SECTM1: variants seen among roughly 807,000 people sequenced by gnomAD.
SECTM1 encodes secreted and transmembrane protein 1.
SECTM1 carries 10 observed loss-of-function variants against 18.1 expected under a neutral mutation model. The observed-to-expected ratio is 0.55, with a 90% CI of 0.34 to 0.94. The LOEUF is 0.94. SECTM1 is among the 40% of genes least tolerant of loss of function. The pLI is 0.02. For synonymous variants in SECTM1, 137 were observed against 139.2 expected, an observed-to-expected ratio of 0.98 and a Z score of 0.11; for missense variants, 297 against 322.6, an observed-to-expected ratio of 0.92 and a Z score of 0.61.
In SECTM1 at chr17:82,326,976, C is replaced by CACCGCCCTCCACCCACT. The variant is rs1271188060; in HGVS notation, c.94+170_94+171insAGTGGGTGGAGGGCGGT. Among the ~76,000 whole-genome samples the CACCGCCCTCCACCCACT allele has an allele frequency of 6.6e-6, 1 of 151,454 alleles. No individual in the cohort carries two copies. The highest frequency in any genetic ancestry group is 2.4e-5 in the African/African-American group (1 of 41,130). On this transcript the variant is annotated intron_variant, in intron 2 of 4. Transcript: ENST00000269389. This position sits in a 1 kb window ranked among gnomAD's most constrained non-coding sequence, Gnocchi z 4.3. ...CCACGGCGGGACACGGTCCACTCAC[C>CACCGCCCTCCACCCACT]GCCACCTGAGGCAGCCCAGCTCCAC...
In SECTM1 at chr17:82,321,630, C is replaced by A; in HGVS notation, c.*531G>T. The A allele has an allele frequency of 6.5e-6, 1 of 154,284 alleles. No homozygotes were observed. The highest frequency in any genetic ancestry group is 1.7e-4 in the South Asian group (1 of 5,732). 9.6% of individuals were successfully genotyped at this position (154,284 alleles called of 1,614,324 possible). ...CTGCGCTGCCCCCTGGCGGTGGGGC[C>A]AGGAGCCATCCCAGCCTCTAAGCCC... On this transcript the variant is annotated 3_prime_UTR_variant, in exon 5 of 5. Transcript: ENST00000269389.
intron 3 of SECTM1, chr17:82,323,462 T>C (rs2052115825): frequency 1.4e-5 from 2 of 144,922 alleles, no homozygotes; most frequent in East Asian, 4.2e-4. Flanking sequence ...CCAATTTGGG[T>C]GACCCGGGTA....
At chr17:82,324,510 TG>T in intron 3 of SECTM1, 71 bp downstream of exon 3, 11 of 173,818 alleles carry the variant, frequency 6.3e-5, no homozygotes, top group South Asian at 2.4e-4. Context: ...GCCCTCCCCC[TG>T]CCCAGGCCCC....
chr17:82,331,286 G>A (rs2052189435), intron 1 of SECTM1, among the ~76,000 whole-genome samples: 1 of 152,216 alleles, frequency 6.6e-6, no homozygotes, highest in Non-Finnish European at 1.5e-5. Context: ...GGGGAGACCG[G>A]GAGGAGAGCG....
rs977122131 is a variant in SECTM1, at chr17:82,330,080, T to C, written c.-52-2788A>G. ...TGCAGACCCCTGCATGGAGGTGAGG[T>C]TCACACAAGGAGACCCCAGGGGGCC... On this transcript the variant is annotated intron_variant, in intron 1 of 4. Coordinates refer to ENST00000269389, the MANE Select transcript of SECTM1 (RefSeq NM_003004.3). The surrounding 1 kb of genome is among the most constrained non-coding windows in gnomAD (Gnocchi z 6.1). 6.6e-5 allele frequency among the ~76,000 whole-genome samples: 10 copies of C among 151,832 alleles called. No homozygotes were observed. The highest frequency in any genetic ancestry group is 2.2e-4 in the African/African-American group (9 of 41,338).
At chr17:82,324,128 G>A (rs555505474) in intron 3 of SECTM1, among the ~76,000 whole-genome samples, 2 of 152,136 alleles carry the variant, frequency 1.3e-5, no homozygotes, top group African/African-American at 4.8e-5. Flanking sequence ...GGGTCTGGAG[G>A]GCCTCTCAGA....
intron 4 of SECTM1, 31 bp downstream of exon 4, chr17:82,322,847 C>T: frequency 6.2e-7 from 1 of 1,611,462 alleles, no homozygotes; most frequent in Non-Finnish European, 8.5e-7. Flanking sequence ...GACTCCCCAC[C>T]CCGCACAAAC....
rs748359308 is a variant in SECTM1 at position 82,325,591 on chromosome 17, G to A, written c.95-701C>T. Among the ~76,000 whole-genome samples, 17 of 152,204 alleles carry A rather than the reference G, an allele frequency of 1.1e-4. No homozygotes were observed. Among genetic ancestry groups the A allele is most frequent in the African/African-American group, 2.2e-4 (9 of 41,436 alleles). On this transcript the variant is annotated intron_variant, in intron 2 of 4. Coordinates refer to ENST00000269389, the MANE Select transcript of SECTM1 (RefSeq NM_003004.3). The surrounding 1 kb of genome is among the most constrained non-coding windows in gnomAD (Gnocchi z 7.6). ...GGAGGTCAAGTCCTTGACACAAGCC[G>A]GCGTGTCAGTCTCTCTCTCCCGCCT...
chr17:82,331,911 A>T (rs2052194575), intron 1 of SECTM1, among the ~76,000 whole-genome samples: 1 of 152,066 alleles, frequency 6.6e-6, no homozygotes, highest in Non-Finnish European at 1.5e-5. Flanking sequence ...AGGCTGAGGC[A>T]GGTGGATCAC....
chr17:82,329,395 C>G lies in SECTM1; in HGVS notation c.-52-2103G>C, dbSNP rs1353267748. Reference sequence around the variant, plus strand: ...GATGGTCCCACATTGGCGCAGGCTGCGGGTGCCGTGTCCTGAGGTCTGGGT... The same window carrying G: ...GATGGTCCCACATTGGCGCAGGCTGGGGGTGCCGTGTCCTGAGGTCTGGGT... On this transcript the variant is annotated intron_variant, in intron 1 of 4. Transcript: ENST00000269389. The surrounding 1 kb of genome is among the most constrained non-coding windows in gnomAD (Gnocchi z 7.6). 1 of 152,412 alleles carries G rather than the reference C, an allele frequency of 6.6e-6. No homozygotes were observed. Among genetic ancestry groups the G allele is most frequent in the South Asian group, 2.1e-4 (1 of 4,832 alleles). The allele number at this position is 152,412 out of a possible 1,614,324, so 9.4% of individuals were successfully genotyped here.
intron 1 of SECTM1, among the ~76,000 whole-genome samples, chr17:82,332,246 G>A (rs561792535): frequency 4.6e-5 from 7 of 152,224 alleles, no homozygotes; most frequent in Non-Finnish European, 7.3e-5. Flanking sequence ...CTGAGGCGCC[G>A]GCACCAGACA....
At position 82,327,349 on chromosome 17, in the gene SECTM1, G is replaced by A. The variant is rs556263809; in HGVS notation, c.-52-57C>T. On this transcript the variant is annotated intron_variant, in intron 1 of 4. Coordinates refer to ENST00000269389, the MANE Select transcript of SECTM1 (RefSeq NM_003004.3). ...CCCTGCAGCTGCTGAAGGGGACAGC[G>A]GGAGCGGCTGTCACCTGGCGGGGGC... 126 of 1,004,722 alleles carry A rather than the reference G, an allele frequency of 1.3e-4. 3 individuals are homozygous for A. The South Asian group carries it at 1.6e-3, about 12-fold the overall frequency. 62.2% of individuals were successfully genotyped at this position (1,004,722 alleles called of 1,614,324 possible).
At position 82,326,590 on chromosome 17, in the gene SECTM1, C is replaced by A. The variant is rs897843509; in HGVS notation, c.94+557G>T. On this transcript the variant is annotated intron_variant, in intron 2 of 4. Coordinates refer to ENST00000269389, the MANE Select transcript of SECTM1 (RefSeq NM_003004.3). The surrounding 1 kb of genome is among the most constrained non-coding windows in gnomAD (Gnocchi z 4.3). ...CTCCAGCCTGGGCGTCCAGCCTGGG[C>A]GATAGAGGTAGAACCCGTCTCAAAA... Among the ~76,000 whole-genome samples the A allele has an allele frequency of 6.7e-6, 1 of 150,174 alleles. No individual in the cohort carries two copies. Among genetic ancestry groups the A allele is most frequent in the South Asian group, 2.1e-4 (1 of 4,774 alleles).
chr17:82,322,985 T>C lies in SECTM1; in HGVS notation c.430A>G (p.Thr144Ala). 2 of 1,613,550 alleles carry C rather than the reference T, an allele frequency of 1.2e-6. No homozygotes were observed. The highest frequency in any genetic ancestry group is 1.7e-6 in the Non-Finnish European group (2 of 1,179,828). ...ACCGCTGGCACAGGCCAGAACCCAG[T>C]GTCGGGGGCGGACTGGGGTTCTGCA... is the stretch of plus-strand genomic sequence containing the variant. ...SGAEPQSAPD[T>A]GFWPVPAVVT... Residue 144 changes from threonine (T) to alanine (A), a missense_variant, in exon 4 of 5, where the codon ACT becomes GCT. Transcript: ENST00000269389.
At position 82,328,501 on chromosome 17, in the gene SECTM1, T is replaced by G. The variant is rs1452089487; in HGVS notation, c.-52-1209A>C. 6.6e-6 allele frequency: 1 copy of G among 152,310 alleles called. No homozygotes were observed. Among genetic ancestry groups the G allele is most frequent in the Non-Finnish European group, 1.5e-5 (1 of 68,114 alleles). 9.4% of individuals were successfully genotyped at this position (152,310 alleles called of 1,614,324 possible). On this transcript the variant is annotated intron_variant, in intron 1 of 4. Transcript: ENST00000269389. The surrounding 1 kb of genome is among the most constrained non-coding windows in gnomAD (Gnocchi z 5.8). ...CTGCCTCCACGCAGGAGCTCAGCCT[T>G]GCACAGGAGACTACCCTAACCTAAC...
At position 82,328,042 on chromosome 17, in the gene SECTM1, C is replaced by T. The variant is rs928422943; in HGVS notation, c.-52-750G>A. The T allele has an allele frequency of 6.6e-6, 1 of 151,440 alleles. No homozygotes were observed. The highest frequency in any genetic ancestry group is 2.4e-5 in the African/African-American group (1 of 41,076). 9.4% of individuals were successfully genotyped at this position (151,440 alleles called of 1,614,324 possible). A position where few individuals can be genotyped will look rare whatever the true frequency, so the allele number is the denominator to read the frequency against. ...CCCCACCACCCTGCCCGTCCACCAGCCCCCCTCCCGGGGCAGCACTCAGTT... is the reference window on the plus strand; with the variant it reads ...CCCCACCACCCTGCCCGTCCACCAGTCCCCCTCCCGGGGCAGCACTCAGTT... On this transcript the variant is annotated intron_variant, in intron 1 of 4. Transcript: ENST00000269389. This position sits in a 1 kb window ranked among gnomAD's most constrained non-coding sequence, Gnocchi z 5.8.
In SECTM1 at chr17:82,321,398, T is replaced by C. The variant is rs1337617734; in HGVS notation, c.*763A>G. The stretch of plus-strand genomic sequence containing the variant: ...GATTCCCGGTGATTTTTCCACCCCA[T>C]ACAGATGAAGACATCAAAGGGCCCC... On this transcript the variant is annotated 3_prime_UTR_variant, in exon 5 of 5. Transcript: ENST00000269389. The C allele has an allele frequency of 1.3e-5, 2 of 152,046 alleles. No homozygotes were observed. Among genetic ancestry groups the C allele is most frequent in the Non-Finnish European group, 1.5e-5 (1 of 68,020 alleles). The allele number at this position is 152,046 out of a possible 1,614,324, so 9.4% of individuals were successfully genotyped here.
rs1175915229 is a variant in SECTM1, at chr17:82,322,965, T to C, written c.450A>G (p.Pro150=). 1 of 1,613,820 alleles carries C rather than the reference T, an allele frequency of 6.2e-7. No individual in the cohort carries two copies. The highest frequency in any genetic ancestry group is 1.7e-5 in the Admixed American group (1 of 60,008). ...GGATGAAGACAGCAGTGACCACCGC[T>C]GGCACAGGCCAGAACCCAGTGTCGG... The part of the protein sequence containing the change: ...SAPDTGFWPV[P]AVVTAVFILL... Residue 150 remains proline, a synonymous_variant, in exon 4 of 5, where the codon CCA becomes CCG. Transcript: ENST00000269389.
At chr17:82,323,737 C>A (rs995968681) in intron 3 of SECTM1, among the ~76,000 whole-genome samples, 2 of 151,816 alleles carry the variant, frequency 1.3e-5, no homozygotes, top group African/African-American at 4.8e-5. Flanking sequence ...CGGCTGTGGG[C>A]CCTGAGTCGG....
Sources: gnomAD v4.1 joint callset for allele counts (sites outside exome capture counted in the v4.1 genomes callset) on GRCh38, gnomAD v4.1.1 for gene constraint, Gnocchi (gnomAD v3.1) non-coding constraint, MANE v1.5 for transcripts, NCBI Gene and HGNC (gene_info 2026-07-23, HGNC 2026-07-21) for gene names.